LGSN: variants seen among roughly 807,000 people sequenced by gnomAD.
LGSN encodes lengsin.
LGSN carries 21 observed loss-of-function variants against 19.5 expected under a neutral mutation model. The observed-to-expected ratio is 1.07, with a 90% CI of 0.76 to 1.55. The LOEUF (loss-of-function observed/expected upper bound fraction) is 1.55, where lower values mean the gene tolerates loss of function less well. Among genes scored for constraint, LGSN ranks in the 40% most tolerant of loss-of-function variants. LGSN has a pLI of 0.00. For missense variants in LGSN, 673 were observed against 608.5 expected, an observed-to-expected ratio of 1.11 and a Z score of -1.12; for synonymous variants, 257 against 215.6, an observed-to-expected ratio of 1.19 and a Z score of -1.68.
chr6:63,438,518 A>C, the LGSN span, among the ~76,000 whole-genome samples: 17 of 152,260 alleles, frequency 1.1e-4, no homozygotes, highest in Non-Finnish European at 2.1e-4. Context: ...GAAAAAAACA[A>C]ACAACCCCAT....
At chr6:63,539,878 A>AT in the LGSN span, among the ~76,000 whole-genome samples, 1 of 152,242 alleles carries the variant, frequency 6.6e-6, no homozygotes, top group Non-Finnish European at 1.5e-5. Context: ...AGGTATACAC[A>AT]TTTTTAAAAA....
At chr6:63,541,687 A>C in the LGSN span, among the ~76,000 whole-genome samples, 1 of 152,192 alleles carries the variant, frequency 6.6e-6, no homozygotes, top group Non-Finnish European at 1.5e-5. Context: ...AATTAGAAGC[A>C]ATCAGAAGGG....
At chr6:63,441,466 G>A in the LGSN span, 1 of 444,510 alleles carries the variant, frequency 2.2e-6, no homozygotes, top group South Asian at 1.9e-5. Context: ...TGATTGCTTG[G>A]GTGAGAAGCC....
At chr6:63,514,054 G>A in the LGSN span, among the ~76,000 whole-genome samples, 21 of 151,368 alleles carry the variant, frequency 1.4e-4, no homozygotes, top group East Asian at 5.8e-4. Flanking sequence ...AATAATTAGC[G>A]AAAAATCTGT....
chr6:63,450,550 CA>C, the LGSN span, among the ~76,000 whole-genome samples: 66,309 of 132,630 alleles, frequency 0.5, 16,588 homozygotes, highest in Middle Eastern at 0.59. Context: ...AACTCCACCT[CA>C]AAAAAAAAAA....
At chr6:63,528,223 C>T in the LGSN span, 1 of 152,170 alleles carries the variant, frequency 6.6e-6, no homozygotes, top group Non-Finnish European at 1.5e-5. Context: ...AAATTTCAAA[C>T]ACACTAGTAA....
the LGSN span, among the ~76,000 whole-genome samples, chr6:63,325,857 C>T: frequency 6.6e-6 from 1 of 152,216 alleles, no homozygotes; most frequent in Non-Finnish European, 1.5e-5. Context: ...AGATTTATTG[C>T]AAAGAGCGAA....
the LGSN span, among the ~76,000 whole-genome samples, chr6:63,335,069 T>C: frequency 1.3e-4 from 19 of 147,232 alleles, no homozygotes; most frequent in Admixed American, 2.8e-4. Context: ...CTTGAACTAC[T>C]GGAGGAGGAG....
the LGSN span, among the ~76,000 whole-genome samples, chr6:63,498,315 C>T: frequency 4.1e-4 from 62 of 151,940 alleles, no homozygotes; most frequent in Non-Finnish European, 7.5e-4. Flanking sequence ...CAGGTCGAAG[C>T]CTGATTTTCT....
intron 1 of LGSN, among the ~76,000 whole-genome samples, chr6:63,301,837 C>T (rs1172758079): frequency 6.6e-6 from 1 of 152,132 alleles, no homozygotes; most frequent in Non-Finnish European, 1.5e-5. Flanking sequence ...ATCTCCTCTT[C>T]ATCAACGAAT....
chr6:63,412,303 G>C, the LGSN span, among the ~76,000 whole-genome samples: 8 of 151,368 alleles, frequency 5.3e-5, no homozygotes, highest in Admixed American at 5.3e-4. Context: ...GGAGGCGGAG[G>C]TTGCAGTGAA....
the LGSN span, among the ~76,000 whole-genome samples, chr6:63,454,793 C>CTTTTTTTTTTTTTTTTTTTTTTT: frequency 1.1e-5 from 1 of 91,746 alleles, no homozygotes. Flanking sequence ...TTTTCTTTTT[C>CTTTTTTTTTTTTTTTTTTTTTTT]TTTTTTTTTT....
chr6:63,489,347 A>G, the LGSN span, among the ~76,000 whole-genome samples: 1 of 152,166 alleles, frequency 6.6e-6, no homozygotes, highest in Non-Finnish European at 1.5e-5. Context: ...TTCAAAAGCT[A>G]CTTGTCTGTA....
the LGSN span, among the ~76,000 whole-genome samples, chr6:63,520,630 C>CAAATAAATAAAT: frequency 0.014 from 1,960 of 139,052 alleles, 28 homozygotes; most frequent in African/African-American, 0.038. Flanking sequence ...GACTCTGTCT[C>CAAATAAATAAAT]AAATAAATAA....
At chr6:63,471,604 G>T in the LGSN span, among the ~76,000 whole-genome samples, 2 of 151,162 alleles carry the variant, frequency 1.3e-5, no homozygotes, top group Non-Finnish European at 2.9e-5. Context: ...GGTGGAGGTT[G>T]CAGTGAGCTG....
the LGSN span, among the ~76,000 whole-genome samples, chr6:63,565,491 G>A: frequency 1.3e-5 from 2 of 152,194 alleles, no homozygotes; most frequent in Admixed American, 6.5e-5. Flanking sequence ...ATTTTACAGA[G>A]AAAATATTAC....
the LGSN span, among the ~76,000 whole-genome samples, chr6:63,424,745 C>T: frequency 1.3e-5 from 2 of 151,992 alleles, no homozygotes; most frequent in African/African-American, 2.4e-5. Context: ...AAACCCATCT[C>T]TACAAAAAGT....
the LGSN span, among the ~76,000 whole-genome samples, chr6:63,342,348 A>G: frequency 6.6e-6 from 1 of 152,230 alleles, no homozygotes; most frequent in African/African-American, 2.4e-5. Context: ...GATTTAAGCA[A>G]TAGTATTTTT....
chr6:63,280,144 ATCT>A lies in LGSN; in HGVS notation c.1404_1406del (p.Glu468del), dbSNP rs760630477. ...CTCCTAGAGCCTGTCTCAGGCATTG[ATCT>A]TCTTCCAGTGCCACAAGGGCATCTT... On this transcript the variant is annotated inframe_deletion, in exon 4 of 4. Coordinates refer to ENST00000370657, the MANE Select transcript of LGSN (RefSeq NM_016571.3). The A allele has an allele frequency of 3.1e-6, 5 of 1,614,106 alleles. No homozygotes were observed. Among genetic ancestry groups the A allele is most frequent in the South Asian group, 2.2e-5 (2 of 91,094 alleles).
Sources: allele counts gnomAD v4.1 joint callset (sites outside exome capture counted in the v4.1 genomes callset), GRCh38; gene constraint gnomAD v4.1.1; transcripts MANE v1.5; gene names NCBI Gene and HGNC (gene_info 2026-07-23, HGNC 2026-07-21).